The following UMODL1 variants were observed in gnomAD, a reference collection of about 807,000 sequenced individuals.
UMODL1 encodes uromodulin-like 1.
Under a neutral mutation model 136.3 loss-of-function variants are expected in UMODL1, and 128 were observed. The ratio of observed to expected loss-of-function variants is 0.94; its 90% CI spans 0.81 to 1.09. The LOEUF (loss-of-function observed/expected upper bound fraction) is 1.09, where lower values mean the gene tolerates loss of function less well. UMODL1 is among the 50% of genes least tolerant of loss of function. UMODL1 has a pLI of 0.00. For missense variants in UMODL1, 1,766 were observed against 1,725.6 expected (o/e 1.02, Z -0.41); for synonymous variants, 721 against 720.0 (o/e 1.00, Z -0.02).
chr21:42,076,289 C>G, intron 2 of UMODL1, 42 bp downstream of exon 2: 2 of 1,607,548 alleles, frequency 1.2e-6, no homozygotes, highest in Non-Finnish European at 1.7e-6. Flanking sequence ...CCACCCTTGC[C>G]GTCGAGACGC....
At chr21:42,121,703 A>G (rs1354983859) in intron 16 of UMODL1, among the ~76,000 whole-genome samples, 4 of 152,156 alleles carry the variant, frequency 2.6e-5, no homozygotes, top group Non-Finnish European at 5.9e-5. Context: ...ATCTGCGTCA[A>G]GTGAAGGGAG....
At chr21:42,110,802 G>T in intron 10 of UMODL1, 78 bp from the exon 11 acceptor site, 1 of 1,367,494 alleles carries the variant, frequency 7.3e-7, no homozygotes, top group Non-Finnish European at 1.0e-6. Context: ...CCTGCTGGAC[G>T]GCCATGCTGC....
intron 3 of UMODL1, 69 bp downstream of exon 3, chr21:42,084,314 G>A: frequency 6.5e-7 from 1 of 1,537,522 alleles, no homozygotes; most frequent in Non-Finnish European, 8.8e-7. Flanking sequence ...TGATCTGTGT[G>A]AAGGTGTGGG....
chr21:42,130,872 C>T (rs1350835217), intron 21 of UMODL1, among the ~76,000 whole-genome samples: 4 of 149,650 alleles, frequency 2.7e-5, no homozygotes, highest in African/African-American at 4.9e-5. Flanking sequence ...TGCAGTGGTG[C>T]GATCTCAGCT....
At chr21:42,111,844 C>T (rs1255737377) in intron 12 of UMODL1, 134 bp downstream of exon 12, 6 of 950,228 alleles carry the variant, frequency 6.3e-6, no homozygotes, top group South Asian at 5.6e-5. Context: ...TCATCTTGTG[C>T]GTGTGGAAAC....
chr21:42,092,377 G>T (rs2066501667), intron 6 of UMODL1, among the ~76,000 whole-genome samples: 2 of 143,860 alleles, frequency 1.4e-5, no homozygotes, highest in South Asian at 4.4e-4. Flanking sequence ...TTGAACGCAG[G>T]GTTGAGGGTT....
intron 6 of UMODL1, among the ~76,000 whole-genome samples, chr21:42,097,499 T>C (rs760740083): frequency 6.6e-6 from 1 of 152,154 alleles, no homozygotes; most frequent in Non-Finnish European, 1.5e-5. Flanking sequence ...GGAAATGAGT[T>C]GGACAGTGTT....
At chr21:42,087,889 C>T (rs939271198) in intron 4 of UMODL1, among the ~76,000 whole-genome samples, 5 of 152,254 alleles carry the variant, frequency 3.3e-5, no homozygotes, top group African/African-American at 4.8e-5. Context: ...TGTCTCTTCA[C>T]ACTGTCTTCC....
rs1483009259 is a variant in UMODL1 at position 42,119,231 on chromosome 21, G to T, written c.2596G>T (p.Asp866Tyr). ...VVEFHLLIIA[D>Y]VDVQEVSAAF... ...GGAGTTTCACTTGCTGATAATCGCA[G>T]ATGTGGATGTCCAGGAGGTGTCAGC... Residue 866 changes from aspartate to tyrosine, a missense_variant, in exon 15 of 23, where the codon GAT becomes TAT. Coordinates refer to ENST00000408910, the MANE Select transcript of UMODL1 (RefSeq NM_001004416.3). The T allele has an allele frequency of 6.2e-7, 1 of 1,614,232 alleles. No individual in the cohort carries two copies. Among genetic ancestry groups the T allele is most frequent in the Non-Finnish European group, 8.5e-7 (1 of 1,180,042 alleles).
At chr21:42,111,784 C>A in intron 12 of UMODL1, 74 bp downstream of exon 12, 1 of 1,417,958 alleles carries the variant, frequency 7.1e-7, no homozygotes. Context: ...TGGGGCAAAG[C>A]TCCTGCAGCC....
rs190302651 is a variant in UMODL1 at position 42,084,109 on chromosome 21, G to A, written c.345G>A (p.Thr115=). Residue 115 remains threonine, a synonymous_variant, in exon 3 of 23, where the codon ACG becomes ACA. Transcript: ENST00000408910. ...VLPLNQSGQF[T]SRPGACPAEG... ...CCCTGAATCAGTCCGGGCAGTTCAC[G>A]TCAAGACCTGGGGCCTGCCCCGCAG... 1.1e-4 allele frequency: 174 copies of A among 1,614,128 alleles called. 5 individuals are homozygous for A. The East Asian group carries it at 2.2e-3, about 20-fold the overall frequency.
chr21:42,124,513 G>A (rs220153), intron 17 of UMODL1, among the ~76,000 whole-genome samples: 39,934 of 152,102 alleles, frequency 0.26, 5,525 homozygotes, highest in Admixed American at 0.34. Flanking sequence ...GCGGAGTTAA[G>A]AGTCTGTCCG....
intron 9 of UMODL1, among the ~76,000 whole-genome samples, chr21:42,109,050 GGC>G (rs2066774325): frequency 2.5e-4 from 9 of 36,122 alleles, no homozygotes; most frequent in Admixed American, 5.6e-4. Flanking sequence ...CCCCACCCCC[GGC>G]GTGGAAAGCT....
chr21:42,104,149 C>CT (rs1275471883), intron 9 of UMODL1, 62 bp downstream of exon 9: 1 of 1,496,646 alleles, frequency 6.7e-7, no homozygotes, highest in African/African-American at 1.4e-5. Flanking sequence ...CTCTTGGTGA[C>CT]TTTATTTGAG....
rs930354325 is a variant in UMODL1, at chr21:42,076,506, G to A, written c.319+259G>A. Among the ~76,000 whole-genome samples, 5 of 152,144 alleles carry A rather than the reference G, an allele frequency of 3.3e-5. No homozygotes were observed. The East Asian group carries it at 9.6e-4, about 29-fold the overall frequency. On this transcript the variant is annotated intron_variant, in intron 2 of 22. Coordinates refer to ENST00000408910, the MANE Select transcript of UMODL1 (RefSeq NM_001004416.3). The stretch of plus-strand genomic sequence containing the variant: ...GGGTGACGCTGACGCTGCTGGCCCA[G>A]GGACCCCACTTTGAGAACCTCTGCT...
intron 17 of UMODL1, among the ~76,000 whole-genome samples, chr21:42,124,483 G>A (rs956805413): frequency 2.6e-5 from 4 of 152,228 alleles, no homozygotes; most frequent in Admixed American, 2.6e-4. Flanking sequence ...GTGGCTAGAT[G>A]AGGGAGGCTG....
Position 42,142,847 on chromosome 21 carries a change from A to G in UMODL1, c.*773A>G, listed in dbSNP as rs1441014755. ...CAATGAGAAACCAGAGGAGCCGATG[A>G]GTTACTTAATTGAGGTCACAGAATG... On this transcript the variant is annotated 3_prime_UTR_variant, in exon 23 of 23. Transcript: ENST00000408910. The G allele has an allele frequency of 6.6e-6, 1 of 152,226 alleles. No homozygotes were observed. The highest frequency in any genetic ancestry group is 1.5e-5 in the Non-Finnish European group (1 of 68,044). The allele number at this position is 152,226 out of a possible 1,614,324, so 9.4% of individuals were successfully genotyped here.
chr21:42,088,929 G>T (rs1003232878), intron 5 of UMODL1, among the ~76,000 whole-genome samples: 1 of 152,104 alleles, frequency 6.6e-6, no homozygotes, highest in East Asian at 1.9e-4. Flanking sequence ...TACTCCAAAG[G>T]CTCCTTCAGC....
intron 17 of UMODL1, among the ~76,000 whole-genome samples, chr21:42,124,720 T>C (rs1269918363): frequency 3.3e-5 from 5 of 151,902 alleles, no homozygotes; most frequent in African/African-American, 1.2e-4. Context: ...TGGTTCCTGG[T>C]CGTTGGCGGG....
Sources: gnomAD v4.1 joint callset for allele counts (sites outside exome capture counted in the v4.1 genomes callset) on GRCh38, gnomAD v4.1.1 for gene constraint, MANE v1.5 for transcripts, NCBI Gene and HGNC (gene_info 2026-07-23, HGNC 2026-07-21) for gene names.